The following ANTXR1 variants were observed in gnomAD, a reference collection of about 807,000 sequenced individuals.
ANTXR1 encodes the protein ANTXR cell adhesion molecule 1, also known as anthrax toxin receptor 1.
Under a neutral mutation model 78.1 loss-of-function variants are expected in ANTXR1, and 19 were observed. The ratio of observed to expected loss-of-function variants is 0.24; its 90% CI spans 0.17 to 0.36. The LOEUF (loss-of-function observed/expected upper bound fraction) is 0.36, where lower values mean the gene tolerates loss of function less well. Ranked by LOEUF, ANTXR1 falls within the 10% of genes least tolerant of loss-of-function variation. The pLI is 1.00. For missense variants in ANTXR1, 518 were observed against 718.6 expected (o/e 0.72, Z 3.19); for synonymous variants, 273 against 260.5 (o/e 1.05, Z -0.46).
Position 69,036,004 on chromosome 2 carries a change from T to C in ANTXR1, c.153-4040T>C, listed in dbSNP as rs141166088. Among the ~76,000 whole-genome samples, 646 of 152,364 alleles carry C rather than the reference T, an allele frequency of 4.2e-3. 2 individuals carry two copies. The highest frequency in any genetic ancestry group is 7.6e-3 in the Non-Finnish European group (516 of 68,038). On this transcript the variant is annotated intron_variant, in intron 1 of 17. Transcript: ENST00000303714. ...TTAAGAAAGCTGGAAGTATGAATTATCATTGGGTGACACTTTTCAATAAGT... is the reference window on the plus strand; with the variant it reads ...TTAAGAAAGCTGGAAGTATGAATTACCATTGGGTGACACTTTTCAATAAGT...
At chr2:69,166,994 T>C (rs1452694533) in intron 13 of ANTXR1, among the ~76,000 whole-genome samples, 1 of 152,196 alleles carries the variant, frequency 6.6e-6, no homozygotes, top group Non-Finnish European at 1.5e-5. Flanking sequence ...TTACTGGAGA[T>C]CTGTTTGATA....
intron 13 of ANTXR1, among the ~76,000 whole-genome samples, chr2:69,160,432 C>G (rs1467662288): frequency 1.3e-5 from 2 of 152,160 alleles, no homozygotes; most frequent in Non-Finnish European, 2.9e-5. Flanking sequence ...GTGTGAAAAA[C>G]TAGAAAATTG....
intron 17 of ANTXR1, among the ~76,000 whole-genome samples, chr2:69,242,597 A>C: frequency 6.6e-6 from 1 of 152,190 alleles, no homozygotes; most frequent in Non-Finnish European, 1.5e-5. Context: ...CCAGATGAGC[A>C]CTCAACCCCA....
chr2:69,110,516 G>A (rs1162793618), intron 10 of ANTXR1, among the ~76,000 whole-genome samples: 3 of 152,190 alleles, frequency 2.0e-5, no homozygotes, highest in Non-Finnish European at 2.9e-5. Context: ...AATTACTGAT[G>A]TGGGGAGTGG....
chr2:69,062,011 G>A (rs530223583), intron 3 of ANTXR1, among the ~76,000 whole-genome samples: 1 of 152,286 alleles, frequency 6.6e-6, no homozygotes, highest in South Asian at 2.1e-4. Context: ...CTGATTAACT[G>A]AATTAGAGAG....
At chr2:69,168,082 A>G (rs1455358569) in intron 13 of ANTXR1, among the ~76,000 whole-genome samples, 2 of 152,144 alleles carry the variant, frequency 1.3e-5, no homozygotes, top group Non-Finnish European at 2.9e-5. Flanking sequence ...ACCCTTGGCC[A>G]CTGTCAGAAC....
intron 12 of ANTXR1, among the ~76,000 whole-genome samples, chr2:69,124,901 G>T (rs1672481329): frequency 1.3e-5 from 2 of 152,174 alleles, no homozygotes; most frequent in Admixed American, 1.3e-4. Context: ...AAAGTCACTG[G>T]CCTGACCAGA....
chr2:69,166,686 C>G (rs1354574739), intron 13 of ANTXR1, among the ~76,000 whole-genome samples: 1 of 152,114 alleles, frequency 6.6e-6, no homozygotes, highest in Non-Finnish European at 1.5e-5. Flanking sequence ...ACCCTTCAAC[C>G]CTATCCATCT....
Position 69,067,664 on chromosome 2 carries a change from C to T in ANTXR1, c.297-2983C>T, listed in dbSNP as rs556921886. On this transcript the variant is annotated intron_variant, in intron 3 of 17. Transcript: ENST00000303714. Reference sequence around the variant, plus strand: ...ATTATGAGGGGTTCCATGGTGCCACCTCTGTGTGCTCACAAACAGACCCCA... The same window carrying T: ...ATTATGAGGGGTTCCATGGTGCCACTTCTGTGTGCTCACAAACAGACCCCA... Among the ~76,000 whole-genome samples, 115 of 152,228 alleles carry T rather than the reference C, an allele frequency of 7.6e-4. 1 individual carries two copies. The highest frequency in any genetic ancestry group is 2.6e-3 in the African/African-American group (107 of 41,538).
At chr2:69,075,192 A>G (rs546260105) in intron 6 of ANTXR1, among the ~76,000 whole-genome samples, 14 of 152,228 alleles carry the variant, frequency 9.2e-5, no homozygotes, top group Admixed American at 7.2e-4. Flanking sequence ...GTCAAACTCA[A>G]CTATATCAAG....
At chr2:69,218,861 G>A (rs1490548826) in intron 17 of ANTXR1, among the ~76,000 whole-genome samples, 2 of 152,086 alleles carry the variant, frequency 1.3e-5, no homozygotes, top group African/African-American at 4.8e-5. Flanking sequence ...ACTTAATTGG[G>A]GTGGGAAGCC....
At chr2:69,027,305 G>A (rs1252296839) in intron 1 of ANTXR1, among the ~76,000 whole-genome samples, 2 of 152,182 alleles carry the variant, frequency 1.3e-5, no homozygotes, top group Non-Finnish European at 2.9e-5. Context: ...CAGGGAAACG[G>A]CAGAGTTTTG....
chr2:69,036,287 C>T (rs934621767), intron 1 of ANTXR1, among the ~76,000 whole-genome samples: 1 of 152,148 alleles, frequency 6.6e-6, no homozygotes, highest in African/African-American at 2.4e-5. Context: ...TGTTTTGATA[C>T]AGGCATGCAA....
chr2:69,227,608 C>G (rs1675487781), intron 17 of ANTXR1, among the ~76,000 whole-genome samples: 1 of 152,164 alleles, frequency 6.6e-6, no homozygotes, highest in Non-Finnish European at 1.5e-5. Flanking sequence ...TCCCCTCTCA[C>G]ATATAACTCT....
rs1269618509 is a variant in ANTXR1 at position 69,013,702 on chromosome 2, C to T, written c.152+51C>T. On this transcript the variant is annotated intron_variant, in intron 1 of 17. Transcript: ENST00000303714. The surrounding 1 kb of genome is among the most constrained non-coding windows in gnomAD (Gnocchi z 5.0). Reference sequence around the variant, plus strand: ...ACCCCAGGCTAAGCGGGCGAAAACGCTTTCGCCCCGGGCCGGGCTCGTTGG... The same window carrying T: ...ACCCCAGGCTAAGCGGGCGAAAACGTTTTCGCCCCGGGCCGGGCTCGTTGG... 6.4e-7 allele frequency: 1 copy of T among 1,551,076 alleles called. No individual in the cohort carries two copies. The highest frequency in any genetic ancestry group is 2.4e-5 in the East Asian group (1 of 40,916).
At chr2:69,228,865 C>A (rs765528000) in intron 17 of ANTXR1, among the ~76,000 whole-genome samples, 6 of 152,146 alleles carry the variant, frequency 3.9e-5, no homozygotes, top group Non-Finnish European at 4.4e-5. Context: ...GCTGCCATAA[C>A]AAAATACTAT....
In ANTXR1 at chr2:69,024,726, A is replaced by G. The variant is rs571058510; in HGVS notation, c.152+11075A>G. ...CTCAAGTCTGATGATATCCACTGCC[A>G]TATCTCTCCCAGGTTGACCTTGTAC... On this transcript the variant is annotated intron_variant, in intron 1 of 17. Coordinates refer to ENST00000303714, the MANE Select transcript of ANTXR1 (RefSeq NM_032208.3). Among the ~76,000 whole-genome samples, 3 of 152,262 alleles carry G rather than the reference A, an allele frequency of 2.0e-5. No individual in the cohort carries two copies. The South Asian group carries it at 6.2e-4, about 32-fold the overall frequency.
At chr2:69,186,571 G>A (rs1404996376) in intron 16 of ANTXR1, among the ~76,000 whole-genome samples, 1 of 152,228 alleles carries the variant, frequency 6.6e-6, no homozygotes, top group African/African-American at 2.4e-5. Flanking sequence ...GGATGATGGG[G>A]CAACCAGGGG....
intron 17 of ANTXR1, among the ~76,000 whole-genome samples, chr2:69,209,432 G>A (rs1379743769): frequency 1.3e-5 from 2 of 152,186 alleles, no homozygotes; most frequent in Non-Finnish European, 2.9e-5. Context: ...ATAAACAGAG[G>A]AACTAGCATT....
Sources: gnomAD v4.1 joint callset for allele counts (sites outside exome capture counted in the v4.1 genomes callset) on GRCh38, gnomAD v4.1.1 for gene constraint, Gnocchi (gnomAD v3.1) non-coding constraint, MANE v1.5 for transcripts, NCBI Gene and HGNC (gene_info 2026-07-23, HGNC 2026-07-21) for gene names.